Variants in CFAP299 observed in about 807,000 individuals in gnomAD.
CFAP299 encodes cilia- and flagella-associated protein 299.
In CFAP299, 21 loss-of-function variants were observed where a neutral mutation model predicts 27.0. The observed-to-expected ratio is 0.78, with a 90% CI of 0.55 to 1.12. The LOEUF is 1.12. Ranked by LOEUF, CFAP299 falls within the 50% of genes most tolerant of loss-of-function variation. The pLI is 0.00. For synonymous variants in CFAP299, 104 were observed against 98.1 expected, an observed-to-expected ratio of 1.06 and a Z score of -0.36; for missense variants, 310 against 276.6, an observed-to-expected ratio of 1.12 and a Z score of -0.86.
rs78847204 is a variant in CFAP299, at chr4:80,832,178, G to A, written c.334-37815G>A. On this transcript the variant is annotated intron_variant, in intron 3 of 5. Coordinates refer to ENST00000358105, the MANE Select transcript of CFAP299 (RefSeq NM_152770.3). ...GGGCTAACCTCTCAAGTGTCTATTA[G>A]TTAGGTCTGTGTGTCATTTTTAGCA... Among the ~76,000 whole-genome samples the A allele has an allele frequency of 5.3e-5, 8 of 152,218 alleles. No homozygotes were observed. In the East Asian group the frequency reaches 1.5e-3, roughly 29 times the overall value.
intron 3 of CFAP299, among the ~76,000 whole-genome samples, chr4:80,692,037 A>C: frequency 6.6e-6 from 1 of 152,212 alleles, no homozygotes; most frequent in East Asian, 1.9e-4. Flanking sequence ...GCTCAAGGAA[A>C]TAAAAGAGGA....
At chr4:80,749,003 T>G (rs1724773814) in intron 3 of CFAP299, among the ~76,000 whole-genome samples, 1 of 152,232 alleles carries the variant, frequency 6.6e-6, no homozygotes, top group Non-Finnish European at 1.5e-5. Flanking sequence ...TTTTTTTCTC[T>G]GTACAGTGTG....
chr4:80,854,640 T>A (rs1352857123), intron 3 of CFAP299, among the ~76,000 whole-genome samples: 2 of 151,100 alleles, frequency 1.3e-5, no homozygotes, highest in Non-Finnish European at 2.9e-5. Context: ...GTTCTGATTG[T>A]TTGTATTTCC....
intron 4 of CFAP299, among the ~76,000 whole-genome samples, chr4:80,939,984 T>A (rs547587724): frequency 2.0e-5 from 3 of 152,274 alleles, no homozygotes; most frequent in South Asian, 4.2e-4. Flanking sequence ...AAGTATTTAA[T>A]CTTGTATACC....
chr4:80,388,586 A>G, intron 2 of CFAP299: 1 of 1,437,546 alleles, frequency 7.0e-7, no homozygotes, highest in Non-Finnish European at 9.8e-7. Context: ...CAATGGCTGG[A>G]TAGCAGGGGA....
At chr4:80,604,864 C>G (rs72863160) in intron 3 of CFAP299, among the ~76,000 whole-genome samples, 177 of 144,516 alleles carry the variant, frequency 1.2e-3, no homozygotes, top group Middle Eastern at 6.9e-3. Context: ...GTATCAGACA[C>G]TTGTCCCCAG....
intron 3 of CFAP299, among the ~76,000 whole-genome samples, chr4:80,842,844 A>C (rs917949956): frequency 6.6e-6 from 1 of 152,122 alleles, no homozygotes; most frequent in Non-Finnish European, 1.5e-5. Context: ...AGTGGATGAC[A>C]GTGGATAAAG....
chr4:80,497,505 A>T (rs1261693657), intron 2 of CFAP299, among the ~76,000 whole-genome samples: 1 of 152,176 alleles, frequency 6.6e-6, no homozygotes, highest in Non-Finnish European at 1.5e-5. Context: ...TGATATATGT[A>T]TGCATATATA....
At chr4:80,363,540 T>C (rs1723658416) in intron 2 of CFAP299, among the ~76,000 whole-genome samples, 1 of 152,168 alleles carries the variant, frequency 6.6e-6, no homozygotes, top group Admixed American at 6.5e-5. Flanking sequence ...TAGAAATCAG[T>C]ATACTATCAT....
chr4:80,501,868 C>T (rs1166817875), intron 2 of CFAP299, among the ~76,000 whole-genome samples: 7 of 151,704 alleles, frequency 4.6e-5, no homozygotes, highest in Non-Finnish European at 1.0e-4. Flanking sequence ...TTTAATTAGT[C>T]TGATCATTTT....
At chr4:80,782,611 T>TG (rs1560749067) in intron 3 of CFAP299, among the ~76,000 whole-genome samples, 10 of 127,034 alleles carry the variant, frequency 7.9e-5, no homozygotes, top group Non-Finnish European at 8.5e-5. Flanking sequence ...TATACATATA[T>TG]TAATATATAA....
intron 2 of CFAP299, among the ~76,000 whole-genome samples, chr4:80,439,535 A>G (rs1354497990): frequency 6.6e-6 from 1 of 152,194 alleles, no homozygotes; most frequent in East Asian, 1.9e-4. Context: ...GCTTTTCCCC[A>G]GTTTTCCCAG....
At chr4:80,745,525 G>GT (rs1323077729) in intron 3 of CFAP299, among the ~76,000 whole-genome samples, 2 of 152,030 alleles carry the variant, frequency 1.3e-5, no homozygotes, top group South Asian at 2.1e-4. Flanking sequence ...TTTCAGAGTA[G>GT]TTTTTTTATA....
chr4:80,942,776 A>G (rs1236534143), intron 4 of CFAP299, among the ~76,000 whole-genome samples: 1 of 152,224 alleles, frequency 6.6e-6, no homozygotes, highest in Non-Finnish European at 1.5e-5. Context: ...ATATCTATAT[A>G]TCTCATAAAT....
At chr4:80,750,166 A>G (rs896364967) in intron 3 of CFAP299, among the ~76,000 whole-genome samples, 2 of 152,332 alleles carry the variant, frequency 1.3e-5, no homozygotes, top group Admixed American at 6.5e-5. Flanking sequence ...TTATAAAATG[A>G]TATTATAATG....
rs548850449 is a variant in CFAP299 at position 80,774,701 on chromosome 4, A to G, written c.334-95292A>G. Among the ~76,000 whole-genome samples, 7 of 152,182 alleles carry G rather than the reference A, an allele frequency of 4.6e-5. No homozygotes were observed. The South Asian group carries it at 1.4e-3, about 32-fold the overall frequency. ...CCATTTAATATACACTGTTGGCAAA[A>G]TTAGTAATGTGAAATCAGCATTCAC... is the stretch of plus-strand genomic sequence containing the variant. On this transcript the variant is annotated intron_variant, in intron 3 of 5. Coordinates refer to ENST00000358105, the MANE Select transcript of CFAP299 (RefSeq NM_152770.3).
At chr4:80,631,602 A>G (rs553031922) in intron 3 of CFAP299, among the ~76,000 whole-genome samples, 26 of 152,238 alleles carry the variant, frequency 1.7e-4, no homozygotes, top group African/African-American at 6.3e-4. Flanking sequence ...TGAAAAAGAG[A>G]AGGTACTTCA....
chr4:80,584,173 G>A (rs1736315871), intron 3 of CFAP299, among the ~76,000 whole-genome samples: 1 of 151,984 alleles, frequency 6.6e-6, no homozygotes, highest in Non-Finnish European at 1.5e-5. Flanking sequence ...ACTAGACTTT[G>A]GACAGCTTTA....
chr4:80,703,041 G>A (rs1470731509), intron 3 of CFAP299, among the ~76,000 whole-genome samples: 1 of 151,714 alleles, frequency 6.6e-6, no homozygotes, highest in Non-Finnish European at 1.5e-5. Flanking sequence ...TCTTGACTTT[G>A]TGAGACTGGA....
Sources: allele counts gnomAD v4.1 joint callset (sites outside exome capture counted in the v4.1 genomes callset), GRCh38; gene constraint gnomAD v4.1.1; transcripts MANE v1.5; gene names NCBI Gene and HGNC (gene_info 2026-07-23, HGNC 2026-07-21).